Variants in DUSP11 observed in about 807,000 individuals in gnomAD.
DUSP11 encodes the protein RNA/RNP complex-1-interacting phosphatase.
A neutral mutation model predicts 41.4 loss-of-function variants in DUSP11; 27 were observed. The observed-to-expected ratio is 0.65, with a 90% CI of 0.48 to 0.90. The LOEUF (loss-of-function observed/expected upper bound fraction) is 0.90. Ranked by LOEUF, DUSP11 falls within the 40% of genes least tolerant of loss-of-function variation. The probability of loss-of-function intolerance (pLI) is 0.00; values close to 1 mark genes in which losing one functional copy is unlikely to be tolerated. For missense variants in DUSP11, 465 were observed against 461.1 expected (o/e 1.01, Z -0.08); for synonymous variants, 188 against 159.3 (o/e 1.18, Z -1.35).
At position 73,778,417 on chromosome 2, in the gene DUSP11, C is replaced by T. The variant is rs750840451; in HGVS notation, c.243-41G>A. On this transcript the variant is annotated intron_variant, in intron 1 of 8. Transcript: ENST00000272444. ...TTTGTTAGCCAAATTGTATGTTAGC[C>T]TTGTTTCCTTGCACAAAATAAGACT... 10 of 1,295,476 alleles carry T rather than the reference C, an allele frequency of 7.7e-6. No individual in the cohort carries two copies. The Middle Eastern group carries it at 5.7e-4, about 74-fold the overall frequency. 80.2% of individuals were successfully genotyped at this position (1,295,476 alleles called of 1,614,324 possible). A position where few individuals can be genotyped will look rare whatever the true frequency, so the allele number is the denominator to read the frequency against.
chr2:73,767,063 A>G, intron 6 of DUSP11, 98 bp downstream of exon 6: 1 of 1,361,736 alleles, frequency 7.3e-7, no homozygotes. Context: ...GAACAAACGA[A>G]TTACAAACTT....
At chr2:73,778,092 T>G (rs1558535865) in intron 2 of DUSP11, among the ~76,000 whole-genome samples, 3 of 151,940 alleles carry the variant, frequency 2.0e-5, no homozygotes, top group African/African-American at 7.2e-5. Flanking sequence ...TATTTTATTT[T>G]TTATATTATA....
intron 4 of DUSP11, among the ~76,000 whole-genome samples, chr2:73,769,967 CAT>C (rs1672539959): frequency 6.6e-6 from 1 of 152,104 alleles, no homozygotes; most frequent in Admixed American, 6.5e-5. Context: ...TAAAAAATTA[CAT>C]GAGGAATTAA....
At chr2:73,763,513 C>T (rs1401151167) in intron 8 of DUSP11, among the ~76,000 whole-genome samples, 1 of 152,130 alleles carries the variant, frequency 6.6e-6, no homozygotes, top group South Asian at 2.1e-4. Context: ...CACCTGAAGT[C>T]GGGAGTTCAA....
chr2:73,766,314 A>C, intron 8 of DUSP11, 104 bp downstream of exon 8: 1 of 1,209,618 alleles, frequency 8.3e-7, no homozygotes, highest in Non-Finnish European at 1.1e-6. Flanking sequence ...GTCTCCAAAA[A>C]AAAAAAAAAC....
chr2:73,778,636 C>T (rs1427166008), intron 1 of DUSP11, among the ~76,000 whole-genome samples: 1 of 152,100 alleles, frequency 6.6e-6, no homozygotes, highest in Non-Finnish European at 1.5e-5. Flanking sequence ...CCGGAGATAC[C>T]CAGAACTTCT....
At chr2:73,776,925 T>G (rs1185014445) in intron 2 of DUSP11, among the ~76,000 whole-genome samples, 1 of 152,210 alleles carries the variant, frequency 6.6e-6, no homozygotes, top group Non-Finnish European at 1.5e-5. Flanking sequence ...ATAACATGTA[T>G]CCACCCTTAG....
chr2:73,767,323 C>G, intron 5 of DUSP11, 116 bp from the exon 6 acceptor site: 1 of 774,862 alleles, frequency 1.3e-6, no homozygotes, highest in Non-Finnish European at 2.2e-6. Context: ...AAGAAAATAT[C>G]AGCACATCAA....
Position 73,767,071 on chromosome 2 carries a change from C to T in DUSP11, c.682+90G>A, listed in dbSNP as rs1430050983. The T allele has an allele frequency of 2.8e-6, 4 of 1,406,492 alleles. No individual in the cohort carries two copies. The African/African-American group carries it at 4.3e-5, about 15-fold the overall frequency. 87.1% of individuals were successfully genotyped at this position (1,406,492 alleles called of 1,614,324 possible). On this transcript the variant is annotated intron_variant, in intron 6 of 8. Transcript: ENST00000272444. ...TATATTGGAACAAACGAATTACAAA[C>T]TTCTTTTTTTCCAAAATTTGATAAA...
At chr2:73,764,993 T>A (rs986125820) in intron 8 of DUSP11, among the ~76,000 whole-genome samples, 2 of 152,222 alleles carry the variant, frequency 1.3e-5, no homozygotes, top group Non-Finnish European at 1.5e-5. Context: ...AAACTGTTGC[T>A]AAATTAATAG....
intron 5 of DUSP11, 53 bp from the exon 6 acceptor site, chr2:73,767,260 G>A: frequency 6.8e-7 from 1 of 1,463,634 alleles, no homozygotes; most frequent in Non-Finnish European, 9.4e-7. Context: ...AAAAAATCAA[G>A]TTTTTTCAAA....
intron 1 of DUSP11, 92 bp from the exon 2 acceptor site, chr2:73,778,468 CACA>C (rs1348128335): frequency 8.3e-6 from 6 of 726,008 alleles, no homozygotes; most frequent in South Asian, 4.6e-5. Context: ...TCATAGCCCG[CACA>C]ACATGTCCTC....
rs577224282 is a variant in DUSP11 at position 73,768,914 on chromosome 2, C to T, written c.635+351G>A. The T allele has an allele frequency of 6.6e-5, 11 of 166,110 alleles. No individual in the cohort carries two copies. In the East Asian group the frequency reaches 1.7e-3, roughly 25 times the overall value. The allele number at this position is 166,110 out of a possible 1,614,324, so 10.3% of individuals were successfully genotyped here. ...GAACTTGGAGTGAGTCGAGATGGTG[C>T]CACTGCACTCCAGCCTGGGTGACAG... is the stretch of plus-strand genomic sequence containing the variant. On this transcript the variant is annotated intron_variant, in intron 5 of 8. Coordinates refer to ENST00000272444, the Ensembl canonical transcript of DUSP11.
At chr2:73,772,848 C>G (rs1229472845) in intron 4 of DUSP11, among the ~76,000 whole-genome samples, 1 of 152,234 alleles carries the variant, frequency 6.6e-6, no homozygotes, top group African/African-American at 2.4e-5. Context: ...CTCTCACCTT[C>G]CATTCCCTAT....
At chr2:73,776,126 C>T (rs1052957282) in intron 2 of DUSP11, among the ~76,000 whole-genome samples, 1 of 151,856 alleles carries the variant, frequency 6.6e-6, no homozygotes, top group Admixed American at 6.6e-5. Flanking sequence ...AAAAAATAGA[C>T]TAGTTTGGCT....
chr2:73,774,901 G>T lies in DUSP11; in HGVS notation c.450+12C>A. The T allele has an allele frequency of 6.6e-7, 1 of 1,516,958 alleles. No homozygotes were observed. The highest frequency in any genetic ancestry group is 8.9e-7 in the Non-Finnish European group (1 of 1,129,078). The allele number at this position is 1,516,958 out of a possible 1,614,324, so 94.0% of individuals were successfully genotyped here. A position where few individuals can be genotyped will look rare whatever the true frequency, so the allele number is the denominator to read the frequency against. ...AGGAAGAAAGTTCTTTTCATTGAAG[G>T]GTTCCACTTACCTCTGGTTTATAAT... On this transcript the variant is annotated intron_variant, in intron 3 of 8. Transcript: ENST00000272444.
chr2:73,778,504 G>A (rs897907988), intron 1 of DUSP11, 128 bp from the exon 2 acceptor site: 20 of 535,982 alleles, frequency 3.7e-5, no homozygotes, highest in Non-Finnish European at 4.1e-5. Context: ...TTTGCATTTC[G>A]CCACTCCACT....
intron 1 of DUSP11, 117 bp downstream of exon 1, chr2:73,779,757 C>A: frequency 6.7e-7 from 1 of 1,492,596 alleles, no homozygotes; most frequent in Non-Finnish European, 9.0e-7. Flanking sequence ...TCAAAGCAAG[C>A]GGCGGACAAG....
In DUSP11 at chr2:73,766,605, A is replaced by G. The variant is rs756841272; in HGVS notation, c.759-11T>C. On this transcript the variant is annotated splice_polypyrimidine_tract_variant and intron_variant, in intron 7 of 8. Coordinates refer to ENST00000272444, the Ensembl canonical transcript of DUSP11. The stretch of plus-strand genomic sequence containing the variant: ...CTGGAATTCCAATTCCTTAAAGAGA[A>G]TATTTTCCACACAATATTACTGGTT... 3 of 1,598,922 alleles carry G rather than the reference A, an allele frequency of 1.9e-6. No individual in the cohort carries two copies. Among genetic ancestry groups the G allele is most frequent in the East Asian group, 4.5e-5 (2 of 44,806 alleles).
Sources: allele counts gnomAD v4.1 joint callset (sites outside exome capture counted in the v4.1 genomes callset), GRCh38; gene constraint gnomAD v4.1.1; transcripts MANE v1.5; gene names NCBI Gene and HGNC (gene_info 2026-07-23, HGNC 2026-07-21).